Variants in CSPP1 observed in about 807,000 individuals in gnomAD.
CSPP1 encodes the protein centrosome and spindle pole-associated protein 1.
A neutral mutation model predicts 164.4 loss-of-function variants in CSPP1; 126 were observed. The ratio of observed to expected loss-of-function variants is 0.77; its 90% confidence interval spans 0.66 to 0.89. CSPP1 has a LOEUF of 0.89. Among genes scored for constraint, CSPP1 ranks in the 40% least tolerant of loss-of-function variants. CSPP1 has a pLI of 0.00. For missense variants in CSPP1, 1,395 were observed against 1,449.8 expected (o/e 0.96, Z 0.61); for synonymous variants, 472 against 476.7 (o/e 0.99, Z 0.13).
At position 67,137,584 on chromosome 8, in the gene CSPP1, T is replaced by C; in HGVS notation, c.1956T>C (p.Asp652=). The C allele has an allele frequency of 6.4e-7, 1 of 1,555,272 alleles. No individual in the cohort carries two copies. The highest frequency in any genetic ancestry group is 1.3e-5 in the South Asian group (1 of 79,570). Reference sequence around the variant, plus strand: ...GTGGAGGTGGTGCTCCTCTCAGGGATGCAAAAGGAAATCTGATAAGTACGT... The same window carrying C: ...GTGGAGGTGGTGCTCCTCTCAGGGACGCAAAAGGAAATCTGATAAGTACGT... ...GKGGGGAPLR[D]AKGNLITDLN... The change falls in exon 17 of 31, where the codon GAT becomes GAC. Residue 652 remains aspartate (D), a synonymous_variant. Transcript: ENST00000678616.
chr8:67,068,817 G>C (rs1302680555), intron 1 of CSPP1, among the ~76,000 whole-genome samples: 2 of 152,134 alleles, frequency 1.3e-5, no homozygotes, highest in Non-Finnish European at 2.9e-5. Context: ...GATGGATCAA[G>C]ACAAAAACAT....
chr8:67,101,370 G>A (rs532996426), intron 7 of CSPP1, among the ~76,000 whole-genome samples: 29 of 152,270 alleles, frequency 1.9e-4, no homozygotes, highest in African/African-American at 6.7e-4. Flanking sequence ...GCCAGCCAAG[G>A]GTCAACTGTA....
intron 1 of CSPP1, among the ~76,000 whole-genome samples, chr8:67,073,117 G>T (rs1186304905): frequency 6.6e-6 from 1 of 152,044 alleles, no homozygotes; most frequent in Non-Finnish European, 1.5e-5. Context: ...TGTAGAAATT[G>T]CAATTGTCAT....
chr8:67,154,121 T>G lies in CSPP1; in HGVS notation c.2226T>G (p.Asn742Lys). The G allele has an allele frequency of 6.5e-7, 1 of 1,528,356 alleles. No individual in the cohort carries two copies. The highest frequency in any genetic ancestry group is 9.1e-7 in the Non-Finnish European group (1 of 1,103,772). The allele number at this position is 1,528,356 out of a possible 1,614,324, so 94.7% of individuals were successfully genotyped here. A position where few individuals can be genotyped will look rare whatever the true frequency, so the allele number is the denominator to read the frequency against. The change falls in exon 19 of 31, where the codon AAT becomes AAG. Residue 742 changes from asparagine (N) to lysine (K), a missense_variant. Asn to Lys is a moderately conservative substitution (Grantham distance 94). Transcript: ENST00000678616. The part of the protein sequence containing the change: ...LQIKQQELYK[N>K]FLRFQIEEKK... Reference sequence around the variant, plus strand: ...TTAAACAGCAAGAATTATACAAGAATTTTCTTCGTTTCCAGGTGAAATGCT... The same window carrying G: ...TTAAACAGCAAGAATTATACAAGAAGTTTCTTCGTTTCCAGGTGAAATGCT...
chr8:67,083,289 T>C (rs1809589675), intron 3 of CSPP1, among the ~76,000 whole-genome samples: 2 of 151,890 alleles, frequency 1.3e-5, no homozygotes, highest in South Asian at 4.2e-4. Flanking sequence ...ATCCCAGCAC[T>C]TTGGGAGGCC....
intron 1 of CSPP1, chr8:67,065,537 G>C (rs1805363317): frequency 1.0e-6 from 1 of 981,192 alleles, no homozygotes; most frequent in African/African-American, 1.8e-5. Flanking sequence ...AAGCTATTGA[G>C]GTATTTTCTT....
intron 27 of CSPP1, among the ~76,000 whole-genome samples, chr8:67,178,764 A>G (rs1468224797): frequency 2.6e-5 from 4 of 152,206 alleles, no homozygotes; most frequent in Non-Finnish European, 1.5e-5. Context: ...TGGGAGAGCC[A>G]TGAGCAAGGG....
chr8:67,101,605 G>T (rs1011289578), intron 7 of CSPP1, among the ~76,000 whole-genome samples: 1 of 152,100 alleles, frequency 6.6e-6, no homozygotes, highest in Non-Finnish European at 1.5e-5. Context: ...ATCTGTGATC[G>T]ATTAAAAAAT....
intron 3 of CSPP1, among the ~76,000 whole-genome samples, chr8:67,082,269 C>T (rs1031518313): frequency 3.3e-5 from 5 of 152,176 alleles, no homozygotes; most frequent in African/African-American, 9.7e-5. Context: ...AGGCTGGTCT[C>T]GAGCTCCTTA....
At chr8:67,112,101 A>C in intron 10 of CSPP1, 36 bp downstream of exon 10, 1 of 1,421,572 alleles carries the variant, frequency 7.0e-7, no homozygotes, top group Admixed American at 1.8e-5. Context: ...AGATATTTTG[A>C]GTTTAAAGTG....
chr8:67,184,932 T>A, intron 28 of CSPP1, among the ~76,000 whole-genome samples: 1 of 96,138 alleles, frequency 1.0e-5, no homozygotes. Context: ...ATCATGTCTC[T>A]ACTAAAAATA....
intron 15 of CSPP1, 113 bp from the exon 16 acceptor site, chr8:67,131,838 T>C: frequency 1.1e-6 from 1 of 930,394 alleles, no homozygotes. Context: ...TAGAGAAATA[T>C]CCTTCTGTAT....
rs140637290 is a variant in CSPP1, at chr8:67,124,291, T to A, written c.1697+5470T>A. Among the ~76,000 whole-genome samples, 6 of 152,254 alleles carry A rather than the reference T, an allele frequency of 3.9e-5. No homozygotes were observed. In the East Asian group the frequency reaches 1.2e-3, roughly 29 times the overall value. On this transcript the variant is annotated intron_variant, in intron 15 of 30. Coordinates refer to ENST00000678616, the MANE Select transcript of CSPP1 (RefSeq NM_001382391.1). Reference sequence around the variant, plus strand: ...ATTTTGAGTTTTTTTGTGGTTTCCCTACAGATTAAAATTGATATCTTAATT... The same window carrying A: ...ATTTTGAGTTTTTTTGTGGTTTCCCAACAGATTAAAATTGATATCTTAATT...
chr8:67,069,398 G>T (rs1224583232), intron 1 of CSPP1, among the ~76,000 whole-genome samples: 2 of 151,896 alleles, frequency 1.3e-5, no homozygotes, highest in Non-Finnish European at 2.9e-5. Flanking sequence ...TGTTTTATTT[G>T]TACTTTTTGT....
chr8:67,104,966 A>ATAT (rs1247108884), intron 8 of CSPP1, among the ~76,000 whole-genome samples: 5 of 60,742 alleles, frequency 8.2e-5, no homozygotes, highest in Non-Finnish European at 8.9e-5. Context: ...ATATATATAT[A>ATAT]TTTTTTTTTT....
intron 15 of CSPP1, among the ~76,000 whole-genome samples, chr8:67,120,784 T>A (rs1818818137): frequency 6.6e-6 from 1 of 152,118 alleles, no homozygotes; most frequent in African/African-American, 2.4e-5. Context: ...GCAAATAAGA[T>A]GATAACATCT....
At chr8:67,089,140 A>C (rs57320208) in intron 4 of CSPP1, among the ~76,000 whole-genome samples, 1 of 151,734 alleles carries the variant, frequency 6.6e-6, no homozygotes, top group Non-Finnish European at 1.5e-5. Flanking sequence ...TTGAGTTTTT[A>C]AAAAAAATCA....
At chr8:67,125,253 A>G (rs1394533041) in intron 15 of CSPP1, among the ~76,000 whole-genome samples, 1 of 152,160 alleles carries the variant, frequency 6.6e-6, no homozygotes, top group Non-Finnish European at 1.5e-5. Context: ...ATGGAATAGT[A>G]TTGGTTGGCA....
At chr8:67,086,932 T>C in intron 4 of CSPP1, 1 of 703,814 alleles carries the variant, frequency 1.4e-6, no homozygotes, top group Non-Finnish European at 2.2e-6. Flanking sequence ...ATCATTTGCA[T>C]TTATGAGATT....
Sources: allele counts gnomAD v4.1 joint callset (sites outside exome capture counted in the v4.1 genomes callset), GRCh38; gene constraint gnomAD v4.1.1; transcripts MANE v1.5; gene names NCBI Gene and HGNC (gene_info 2026-07-23, HGNC 2026-07-21).